The following KIF6 variants were observed in gnomAD, a reference collection of about 807,000 sequenced individuals.
KIF6 encodes the protein kinesin family member 6.
In KIF6, 106 loss-of-function variants were observed where a neutral mutation model predicts 112.7. The ratio of observed to expected loss-of-function variants is 0.94; its 90% confidence interval spans 0.80 to 1.11. KIF6 has a LOEUF of 1.11. Ranked by LOEUF, KIF6 falls within the 50% of genes least tolerant of loss-of-function variation. The pLI is 0.00. For synonymous variants in KIF6, 339 were observed against 339.9 expected, an observed-to-expected ratio of 1.00 and a Z score of 0.03; for missense variants, 929 against 964.0, an observed-to-expected ratio of 0.96 and a Z score of 0.48.
chr6:39,719,936 C>T (rs144817470), intron 2 of KIF6, among the ~76,000 whole-genome samples: 1 of 152,160 alleles, frequency 6.6e-6, no homozygotes, highest in East Asian at 1.9e-4. Flanking sequence ...TGAACTATGA[C>T]TCCACCACTG....
At chr6:39,395,010 C>T (rs1768156303) in intron 15 of KIF6, among the ~76,000 whole-genome samples, 1 of 152,186 alleles carries the variant, frequency 6.6e-6, no homozygotes, top group Non-Finnish European at 1.5e-5. Context: ...AAACACCAGA[C>T]AGTAGTCTGG....
intron 5 of KIF6, among the ~76,000 whole-genome samples, chr6:39,628,245 C>CGT (rs140599243): frequency 0.026 from 3,804 of 149,092 alleles, 67 homozygotes; most frequent in Non-Finnish European, 0.032. Context: ...TACTCATTTA[C>CGT]GTGTGTGTGT....
chr6:39,338,370 G>T (rs186098287), intron 22 of KIF6, among the ~76,000 whole-genome samples: 3 of 152,338 alleles, frequency 2.0e-5, no homozygotes, highest in Admixed American at 2.0e-4. Context: ...CGGAGGAAGA[G>T]ATTGGAAATA....
chr6:39,415,132 A>G (rs888672283), intron 15 of KIF6, among the ~76,000 whole-genome samples: 2 of 152,036 alleles, frequency 1.3e-5, no homozygotes, highest in Admixed American at 1.3e-4. Context: ...AGTTGCAGTG[A>G]CCCGAGATTG....
At chr6:39,655,299 C>CT (rs1354940961) in intron 3 of KIF6, among the ~76,000 whole-genome samples, 19 of 152,118 alleles carry the variant, frequency 1.2e-4, no homozygotes, top group South Asian at 8.3e-4. Flanking sequence ...CCTTTGACTA[C>CT]TTTTGTAGTA....
intron 6 of KIF6, among the ~76,000 whole-genome samples, chr6:39,609,194 T>C (rs1216865704): frequency 6.6e-6 from 1 of 151,628 alleles, no homozygotes; most frequent in African/African-American, 2.4e-5. Flanking sequence ...AACCACAGAG[T>C]AGAACCAACA....
chr6:39,350,866 A>G (rs902665430), intron 19 of KIF6, among the ~76,000 whole-genome samples: 10 of 152,082 alleles, frequency 6.6e-5, no homozygotes, highest in Non-Finnish European at 1.2e-4. Flanking sequence ...CACTCCAACA[A>G]CTGTTGGAGG....
chr6:39,341,915 C>T (rs968304776), intron 22 of KIF6, among the ~76,000 whole-genome samples: 1 of 152,240 alleles, frequency 6.6e-6, no homozygotes, highest in Non-Finnish European at 1.5e-5. Context: ...CTACAATCTA[C>T]ACTACATGTG....
In KIF6 at chr6:39,505,159, C is replaced by A. The variant is rs572730870; in HGVS notation, c.1645+34844G>T. Among the ~76,000 whole-genome samples, 35 of 152,238 alleles carry A rather than the reference C, an allele frequency of 2.3e-4. No homozygotes were observed. The South Asian group carries it at 7.3e-3, about 32-fold the overall frequency. On this transcript the variant is annotated intron_variant, in intron 13 of 22. Transcript: ENST00000287152. Reference sequence around the variant, plus strand: ...ACTGGTACAAGAACAGACACATAGACCAATGAAACAGAATAGAGAACCCAG... The same window carrying A: ...ACTGGTACAAGAACAGACACATAGAACAATGAAACAGAATAGAGAACCCAG...
intron 15 of KIF6, among the ~76,000 whole-genome samples, chr6:39,401,611 G>A (rs953593714): frequency 1.3e-5 from 2 of 152,030 alleles, no homozygotes; most frequent in Admixed American, 6.6e-5. Context: ...GTCATTGATT[G>A]AGTCCTCCCG....
chr6:39,365,136 T>C (rs1460923571), intron 16 of KIF6, among the ~76,000 whole-genome samples: 9 of 152,222 alleles, frequency 5.9e-5, no homozygotes, highest in East Asian at 1.9e-4. Flanking sequence ...TACCTGTGTC[T>C]TTTGTGTCAT....
At chr6:39,660,497 A>G (rs1032834547) in intron 3 of KIF6, among the ~76,000 whole-genome samples, 5 of 152,108 alleles carry the variant, frequency 3.3e-5, no homozygotes, top group Non-Finnish European at 2.9e-5. Context: ...TTGAAGTTAT[A>G]GCTTGCTAAG....
intron 15 of KIF6, among the ~76,000 whole-genome samples, chr6:39,397,858 G>C (rs1194156071): frequency 1.3e-5 from 2 of 152,184 alleles, no homozygotes; most frequent in Non-Finnish European, 2.9e-5. Context: ...TTTGGGTGCT[G>C]TGTCTCTGGG....
chr6:39,552,208 A>C (rs1462412995), intron 10 of KIF6, among the ~76,000 whole-genome samples: 7 of 152,344 alleles, frequency 4.6e-5, no homozygotes, highest in South Asian at 4.1e-4. Flanking sequence ...ATCCCTTGAT[A>C]GTCAACCATG....
intron 3 of KIF6, among the ~76,000 whole-genome samples, chr6:39,660,839 A>T (rs371835450): frequency 6.6e-6 from 1 of 152,222 alleles, no homozygotes; most frequent in African/African-American, 2.4e-5. Context: ...TATTCTGGTC[A>T]ACAAAGCCAT....
chr6:39,663,578 A>C (rs1786286884), intron 3 of KIF6, among the ~76,000 whole-genome samples: 1 of 152,134 alleles, frequency 6.6e-6, no homozygotes, highest in South Asian at 2.1e-4. Context: ...GCTTTATGAA[A>C]ATATGTTGAT....
intron 16 of KIF6, among the ~76,000 whole-genome samples, chr6:39,373,844 C>T (rs1766223883): frequency 6.6e-6 from 1 of 152,056 alleles, no homozygotes; most frequent in Non-Finnish European, 1.5e-5. Flanking sequence ...TATGAAAACT[C>T]CAATGTTATT....
At chr6:39,506,684 C>T (rs1776445599) in intron 13 of KIF6, among the ~76,000 whole-genome samples, 1 of 151,824 alleles carries the variant, frequency 6.6e-6, no homozygotes, top group African/African-American at 2.4e-5. Context: ...CTCCTAAATC[C>T]CTTGGAATTT....
At chr6:39,615,250 CA>C (rs763834667) in intron 5 of KIF6, among the ~76,000 whole-genome samples, 9 of 151,864 alleles carry the variant, frequency 5.9e-5, no homozygotes, top group Middle Eastern at 3.4e-3. Context: ...AGCATGAAGT[CA>C]AAAACGAATT....
Sources: allele counts gnomAD v4.1 joint callset (sites outside exome capture counted in the v4.1 genomes callset), GRCh38; gene constraint gnomAD v4.1.1; transcripts MANE v1.5; gene names NCBI Gene and HGNC (gene_info 2026-07-23, HGNC 2026-07-21).